ZNF704: variants seen among roughly 807,000 people sequenced by gnomAD.
ZNF704 encodes zinc finger protein 704, also known as glucocorticoid induced gene 1.
Under a neutral mutation model 44.7 loss-of-function variants are expected in ZNF704, and 10 were observed. The observed-to-expected ratio is 0.22, with a 90% confidence interval of 0.14 to 0.38. ZNF704 has a LOEUF of 0.38. Among genes scored for constraint, ZNF704 ranks in the 10% least tolerant of loss-of-function variants. ZNF704 has a pLI of 1.00. For missense variants in ZNF704, 390 were observed against 545.5 expected (o/e 0.71, Z 2.84); for synonymous variants, 211 against 207.6 (o/e 1.02, Z -0.14).
At chr8:80,744,686 G>C (rs925341894) in intron 2 of ZNF704, among the ~76,000 whole-genome samples, 13 of 152,178 alleles carry the variant, frequency 8.5e-5, no homozygotes, top group African/African-American at 3.1e-4. Flanking sequence ...CACAGAGCCA[G>C]GGAACGGGTG....
intron 7 of ZNF704, among the ~76,000 whole-genome samples, chr8:80,658,431 C>T (rs745763550): frequency 3.3e-5 from 5 of 151,832 alleles, no homozygotes; most frequent in Non-Finnish European, 5.9e-5. Flanking sequence ...CTGACACCTA[C>T]ATCAGTGGAT....
chr8:80,772,521 G>A (rs1027362250), intron 2 of ZNF704, among the ~76,000 whole-genome samples: 2 of 152,084 alleles, frequency 1.3e-5, no homozygotes, highest in Admixed American at 6.6e-5. Flanking sequence ...GAGAGTGAGA[G>A]AGGAGAGGTG....
At chr8:80,643,346 C>T (rs1369233870) in intron 7 of ZNF704, among the ~76,000 whole-genome samples, 2 of 151,538 alleles carry the variant, frequency 1.3e-5, no homozygotes, top group Non-Finnish European at 2.9e-5. Flanking sequence ...GGTGAAACCC[C>T]GTCTGTACCA....
At chr8:80,835,568 A>C (rs1256095820) in intron 1 of ZNF704, among the ~76,000 whole-genome samples, 3 of 152,360 alleles carry the variant, frequency 2.0e-5, no homozygotes, top group Middle Eastern at 3.4e-3. Flanking sequence ...TCAGTAAATC[A>C]GCACTTCACA....
At chr8:80,694,958 C>T (rs538968313) in intron 2 of ZNF704, among the ~76,000 whole-genome samples, 14 of 152,204 alleles carry the variant, frequency 9.2e-5, no homozygotes, top group African/African-American at 3.4e-4. Context: ...ATGAAATCCA[C>T]TCCATACAAA....
At chr8:80,734,449 T>A (rs1010053543) in intron 2 of ZNF704, among the ~76,000 whole-genome samples, 1 of 152,184 alleles carries the variant, frequency 6.6e-6, no homozygotes, top group Non-Finnish European at 1.5e-5. Context: ...ACTATGACTA[T>A]CCATAACAAG....
intron 7 of ZNF704, among the ~76,000 whole-genome samples, chr8:80,655,986 A>C (rs760698301): frequency 1.3e-5 from 2 of 152,134 alleles, no homozygotes; most frequent in Non-Finnish European, 2.9e-5. Flanking sequence ...TGTGTCCCTC[A>C]AATTCATATG....
At chr8:80,673,082 T>C (rs1439623258) in intron 4 of ZNF704, among the ~76,000 whole-genome samples, 1 of 152,264 alleles carries the variant, frequency 6.6e-6, no homozygotes, top group Non-Finnish European at 1.5e-5. Context: ...TAATGTGATA[T>C]GAAACATCTA....
At chr8:80,663,488 G>A (rs1818134034) in intron 6 of ZNF704, among the ~76,000 whole-genome samples, 1 of 152,118 alleles carries the variant, frequency 6.6e-6, no homozygotes, top group South Asian at 2.1e-4. Context: ...TTCCCTGGAG[G>A]GCCTGTTAAA....
intron 2 of ZNF704, among the ~76,000 whole-genome samples, chr8:80,806,810 G>A (rs1460029963): frequency 6.6e-6 from 1 of 152,172 alleles, no homozygotes; most frequent in Non-Finnish European, 1.5e-5. Context: ...ACACCAAACA[G>A]AGCAGCATCC....
At chr8:80,807,708 T>C (rs1258382109) in intron 2 of ZNF704, among the ~76,000 whole-genome samples, 2 of 152,230 alleles carry the variant, frequency 1.3e-5, no homozygotes, top group Non-Finnish European at 2.9e-5. Flanking sequence ...TATATGTATA[T>C]GTAGTATACT....
chr8:80,878,584 T>C (rs1809389514), upstream of ZNF704, among the ~76,000 whole-genome samples: 1 of 152,224 alleles, frequency 6.6e-6, no homozygotes, highest in African/African-American at 2.4e-5. Context: ...AGCTTAGTTT[T>C]TCCACAGTTC....
At chr8:80,684,610 C>T (rs1240807152) in intron 4 of ZNF704, among the ~76,000 whole-genome samples, 1 of 152,168 alleles carries the variant, frequency 6.6e-6, no homozygotes, top group East Asian at 1.9e-4. Context: ...CTGGTTTAAG[C>T]AAATTAACTC....
At chr8:80,702,455 T>C (rs951404042) in intron 2 of ZNF704, among the ~76,000 whole-genome samples, 1 of 152,178 alleles carries the variant, frequency 6.6e-6, no homozygotes, top group African/African-American at 2.4e-5. Context: ...CTGATGGCTG[T>C]GCCAGAAGCC....
At chr8:80,848,137 CAA>C (rs1414631571) in intron 1 of ZNF704, among the ~76,000 whole-genome samples, 1 of 152,162 alleles carries the variant, frequency 6.6e-6, no homozygotes, top group African/African-American at 2.4e-5. Flanking sequence ...CAGCCAATCT[CAA>C]AGGGTTTACT....
chr8:80,840,709 T>C (rs1185777194), intron 1 of ZNF704, among the ~76,000 whole-genome samples: 1 of 152,196 alleles, frequency 6.6e-6, no homozygotes, highest in Non-Finnish European at 1.5e-5. Context: ...CTTCTATTTA[T>C]TGTAACTGAT....
At chr8:80,815,623 C>T (rs1031084334) in intron 2 of ZNF704, among the ~76,000 whole-genome samples, 11 of 152,124 alleles carry the variant, frequency 7.2e-5, no homozygotes, top group Admixed American at 3.3e-4. Context: ...CCAATAAACA[C>T]AAATGGTGAT....
At chr8:80,675,427 G>T (rs1460080253) in intron 4 of ZNF704, among the ~76,000 whole-genome samples, 1 of 151,964 alleles carries the variant, frequency 6.6e-6, no homozygotes, top group Admixed American at 6.6e-5. Flanking sequence ...TAAAAGAGAA[G>T]TTACTGAAGG....
rs994140034 is a variant in ZNF704 at position 80,840,583 on chromosome 8, C to T, written c.-21-18968G>A. On this transcript the variant is annotated intron_variant, in intron 1 of 8. Coordinates refer to ENST00000327835, the MANE Select transcript of ZNF704 (RefSeq NM_001033723.3). ...TCATACATATTATTTCACTCCAATA[C>T]GAGAAAATCCCCTGATCCTGCTCAA... 5.3e-5 allele frequency among the ~76,000 whole-genome samples: 8 copies of T among 152,136 alleles called. No individual in the cohort carries two copies. In the South Asian group the frequency reaches 8.3e-4, roughly 16 times the overall value.
Sources: allele counts gnomAD v4.1 joint callset (sites outside exome capture counted in the v4.1 genomes callset), GRCh38; gene constraint gnomAD v4.1.1; transcripts MANE v1.5; gene names NCBI Gene and HGNC (gene_info 2026-07-23, HGNC 2026-07-21).